Variants in ZNF385D observed in about 807,000 individuals in gnomAD.
ZNF385D encodes zinc finger protein 659.
A neutral mutation model predicts 35.8 loss-of-function variants in ZNF385D; 15 were observed. The ratio of observed to expected loss-of-function variants is 0.42; its 90% CI spans 0.28 to 0.64. The LOEUF is 0.64. Ranked by LOEUF, ZNF385D falls within the 30% of genes least tolerant of loss-of-function variation. The probability of loss-of-function intolerance (pLI) is 0.23; values close to 1 mark genes in which losing one functional copy is unlikely to be tolerated. For synonymous variants in ZNF385D, 212 were observed against 186.8 expected (o/e 1.13, Z -1.10); for missense variants, 474 against 494.6 (o/e 0.96, Z 0.39).
intron 3 of ZNF385D, among the ~76,000 whole-genome samples, chr3:21,526,181 G>A (rs1025769242): frequency 2.6e-5 from 4 of 152,054 alleles, no homozygotes; most frequent in South Asian, 2.1e-4. Context: ...GAGAAATCAA[G>A]CATGAAGTTT....
intron 3 of ZNF385D, among the ~76,000 whole-genome samples, chr3:21,759,610 C>G (rs1245435249): frequency 6.6e-6 from 1 of 152,042 alleles, no homozygotes; most frequent in Non-Finnish European, 1.5e-5. Flanking sequence ...GTGTAGCAGG[C>G]TGAAAGATCT....
At chr3:21,741,512 T>C (rs2069514548) in intron 1 of ZNF385D, among the ~76,000 whole-genome samples, 1 of 152,180 alleles carries the variant, frequency 6.6e-6, no homozygotes, top group Non-Finnish European at 1.5e-5. Context: ...TCCCAGCAGT[T>C]ACCATGGTGG....
chr3:21,969,023 C>T (rs1396072455), intron 3 of ZNF385D, among the ~76,000 whole-genome samples: 1 of 152,094 alleles, frequency 6.6e-6, no homozygotes, highest in Non-Finnish European at 1.5e-5. Flanking sequence ...CAGCTTTTAC[C>T]AACAGCTGAC....
chr3:21,946,934 C>G (rs1371502933), intron 3 of ZNF385D, among the ~76,000 whole-genome samples: 2 of 152,186 alleles, frequency 1.3e-5, no homozygotes, highest in African/African-American at 4.8e-5. Context: ...ATGTGCAGAT[C>G]TACCATAATT....
chr3:22,093,845 G>T (rs182418562), intron 3 of ZNF385D, among the ~76,000 whole-genome samples: 43 of 152,054 alleles, frequency 2.8e-4, no homozygotes, highest in African/African-American at 9.6e-4. Flanking sequence ...TTTACTATAT[G>T]TGCAGAAAAG....
intron 2 of ZNF385D, among the ~76,000 whole-genome samples, chr3:21,568,713 C>T (rs902667416): frequency 7.2e-5 from 11 of 152,028 alleles, no homozygotes; most frequent in African/African-American, 2.4e-4. Context: ...CTTAATATAA[C>T]CAAGGTTTTT....
chr3:21,784,050 C>G (rs2071593178), intron 3 of ZNF385D, among the ~76,000 whole-genome samples: 2 of 152,132 alleles, frequency 1.3e-5, no homozygotes, highest in Admixed American at 1.3e-4. Context: ...ACTAATTCAG[C>G]AGGCAGTCAG....
At chr3:22,230,148 GA>G (rs981118577) in intron 2 of ZNF385D, among the ~76,000 whole-genome samples, 117 of 152,200 alleles carry the variant, frequency 7.7e-4, no homozygotes, top group African/African-American at 2.8e-3. Flanking sequence ...TAGGATACTG[GA>G]GAAAATTCAA....
intron 1 of ZNF385D, among the ~76,000 whole-genome samples, chr3:21,701,634 C>T (rs1393381563): frequency 2.0e-5 from 3 of 152,124 alleles, no homozygotes; most frequent in African/African-American, 7.2e-5. Context: ...GCCAAAGTCT[C>T]ATCTGAGACA....
At chr3:22,003,765 G>C (rs957054347) in intron 3 of ZNF385D, among the ~76,000 whole-genome samples, 11 of 151,920 alleles carry the variant, frequency 7.2e-5, no homozygotes, top group African/African-American at 2.7e-4. Flanking sequence ...TACTCAGGTG[G>C]CTGAGGCGGG....
rs544266471 is a variant in ZNF385D, at chr3:22,365,228, A to G, written c.106+7222T>C. On this transcript the variant is annotated intron_variant, in intron 2 of 5. Coordinates refer to the ZNF385D transcript ENST00000494108. Reference sequence around the variant, plus strand: ...ACTGAGCGGTGCACTTAAAATGATTAAGATGATACATTTCATATTATATAT... The same window carrying G: ...ACTGAGCGGTGCACTTAAAATGATTGAGATGATACATTTCATATTATATAT... Among the ~76,000 whole-genome samples the G allele has an allele frequency of 4.1e-4, 63 of 152,180 alleles. 1 individual carries two copies. Among genetic ancestry groups the G allele is most frequent in the African/African-American group, 1.4e-3 (60 of 41,552 alleles).
At chr3:22,300,031 G>A (rs1169806175) in intron 2 of ZNF385D, among the ~76,000 whole-genome samples, 2 of 151,872 alleles carry the variant, frequency 1.3e-5, no homozygotes, top group East Asian at 3.9e-4. Flanking sequence ...CAAAGCTGGA[G>A]GTACCACATG....
intron 3 of ZNF385D, among the ~76,000 whole-genome samples, chr3:22,093,588 C>T (rs1012692476): frequency 6.6e-6 from 1 of 152,046 alleles, no homozygotes; most frequent in African/African-American, 2.4e-5. Context: ...ATTTTATCCT[C>T]ATTCATTATA....
chr3:21,703,991 T>C (rs2067799891), intron 1 of ZNF385D, among the ~76,000 whole-genome samples: 1 of 152,228 alleles, frequency 6.6e-6, no homozygotes, highest in South Asian at 2.1e-4. Context: ...TGTTGCTTTG[T>C]AGGGCCCTGC....
intron 3 of ZNF385D, among the ~76,000 whole-genome samples, chr3:22,048,002 G>A (rs1334715066): frequency 1.3e-5 from 2 of 152,230 alleles, no homozygotes; most frequent in South Asian, 2.1e-4. Flanking sequence ...GATTAGTGAT[G>A]CTGAACAGTT....
At chr3:22,081,387 A>G (rs1224396599) in intron 3 of ZNF385D, among the ~76,000 whole-genome samples, 1 of 152,226 alleles carries the variant, frequency 6.6e-6, no homozygotes, top group East Asian at 1.9e-4. Context: ...CCTAAAAAAG[A>G]TCCAAATTAT....
At chr3:22,106,112 A>G (rs544034965) in intron 3 of ZNF385D, among the ~76,000 whole-genome samples, 13 of 152,140 alleles carry the variant, frequency 8.5e-5, no homozygotes, top group Non-Finnish European at 1.3e-4. Flanking sequence ...TTCTGATTTG[A>G]TAGGACTAAA....
At chr3:22,172,974 C>A (rs1442898674) in intron 2 of ZNF385D, among the ~76,000 whole-genome samples, 2 of 152,174 alleles carry the variant, frequency 1.3e-5, no homozygotes, top group African/African-American at 2.4e-5. Flanking sequence ...AGAAACCTGA[C>A]AAATAATACT....
chr3:21,815,880 A>G (rs977028534), intron 3 of ZNF385D, among the ~76,000 whole-genome samples: 9 of 152,324 alleles, frequency 5.9e-5, no homozygotes, highest in African/African-American at 1.7e-4. Flanking sequence ...ACAACAAAAA[A>G]AAGAGAATTT....
Sources: gnomAD v4.1 joint callset for allele counts (sites outside exome capture counted in the v4.1 genomes callset) on GRCh38, gnomAD v4.1.1 for gene constraint, MANE v1.5 for transcripts, NCBI Gene and HGNC (gene_info 2026-07-23, HGNC 2026-07-21) for gene names.